CENPW: variants seen among roughly 807,000 people sequenced by gnomAD.
CENPW encodes the protein centromere protein W.
A neutral mutation model predicts 11.1 loss-of-function variants in CENPW; 3 were observed. That is an observed-to-expected ratio of 0.27 (90% confidence interval 0.12 to 0.70). CENPW has a LOEUF of 0.70. Ranked by LOEUF, CENPW falls within the 30% of genes least tolerant of loss-of-function variation. The pLI, the probability that CENPW is intolerant of heterozygous loss-of-function variation, is 0.77. For synonymous variants in CENPW, 38 were observed against 42.0 expected (o/e 0.91, Z 0.37); for missense variants, 100 against 105.6 (o/e 0.95, Z 0.23).
At chr6:126,424,019 A>T in the CENPW span, among the ~76,000 whole-genome samples, 2 of 152,038 alleles carry the variant, frequency 1.3e-5, no homozygotes, top group Non-Finnish European at 2.9e-5. Context: ...AGAAAATTAC[A>T]TTGAGACATT....
the CENPW span, among the ~76,000 whole-genome samples, chr6:126,354,029 G>A: frequency 4.0e-5 from 6 of 150,902 alleles, no homozygotes; most frequent in Non-Finnish European, 5.9e-5. Flanking sequence ...TTATTTTCAC[G>A]TAATTATCAA....
the CENPW span, among the ~76,000 whole-genome samples, chr6:126,472,730 T>C: frequency 6.6e-6 from 1 of 152,212 alleles, no homozygotes; most frequent in African/African-American, 2.4e-5. Context: ...GACAGGCTGT[T>C]TGCCAAATAT....
intron 1 of CENPW, among the ~76,000 whole-genome samples, chr6:126,340,757 TA>T (rs2128289246): frequency 6.6e-6 from 1 of 152,308 alleles, no homozygotes; most frequent in Admixed American, 6.5e-5. Flanking sequence ...AATCACCCTT[TA>T]AAAAATAGAT....
intron 1 of CENPW, among the ~76,000 whole-genome samples, chr6:126,341,687 T>C (rs1780314477): frequency 6.6e-6 from 1 of 152,192 alleles, no homozygotes; most frequent in South Asian, 2.1e-4. Context: ...GGAATTCAAA[T>C]GAAATTCACT....
chr6:126,365,980 G>A, the CENPW span, among the ~76,000 whole-genome samples: 2 of 152,166 alleles, frequency 1.3e-5, no homozygotes, highest in Non-Finnish European at 2.9e-5. Context: ...AACTTTGAGA[G>A]TTGAGGCTGC....
the CENPW span, among the ~76,000 whole-genome samples, chr6:126,412,715 C>T: frequency 6.6e-6 from 1 of 152,196 alleles, no homozygotes; most frequent in African/African-American, 2.4e-5. Context: ...ATGTCCCACA[C>T]ATTTCCCACA....
At chr6:126,350,377 G>A (rs79065371), downstream of CENPW, among the ~76,000 whole-genome samples, 1 of 152,140 alleles carries the variant, frequency 6.6e-6, no homozygotes. Flanking sequence ...CCTCTTCTGA[G>A]TTGCAGACTG....
the CENPW span, among the ~76,000 whole-genome samples, chr6:126,356,071 A>G: frequency 6.6e-6 from 1 of 152,174 alleles, no homozygotes; most frequent in African/African-American, 2.4e-5. Context: ...AACTACACTT[A>G]GGCAAAGTAG....
the CENPW span, among the ~76,000 whole-genome samples, chr6:126,443,704 G>A: frequency 6.6e-6 from 1 of 151,018 alleles, no homozygotes; most frequent in Non-Finnish European, 1.5e-5. Context: ...GCCATTATAT[G>A]CTATAATGCT....
the CENPW span, among the ~76,000 whole-genome samples, chr6:126,415,857 C>T: frequency 1.3e-5 from 2 of 152,300 alleles, no homozygotes; most frequent in African/African-American, 4.8e-5. Context: ...ACTGCCCAGT[C>T]CCAGTTATGT....
At chr6:126,354,852 G>C in the CENPW span, among the ~76,000 whole-genome samples, 1 of 151,998 alleles carries the variant, frequency 6.6e-6, no homozygotes, top group African/African-American at 2.4e-5. Flanking sequence ...ACTCCAACTA[G>C]GGTAACCAAC....
chr6:126,447,299 T>TCCAA, the CENPW span, among the ~76,000 whole-genome samples: 1 of 151,286 alleles, frequency 6.6e-6, no homozygotes, highest in South Asian at 2.1e-4. Context: ...AGGTAAAGAA[T>TCCAA]CCAAGCACAA....
the CENPW span, among the ~76,000 whole-genome samples, chr6:126,366,530 G>C: frequency 6.6e-6 from 1 of 152,042 alleles, no homozygotes; most frequent in Non-Finnish European, 1.5e-5. Context: ...ACTTGTATAC[G>C]TACCTTTGAG....
the CENPW span, among the ~76,000 whole-genome samples, chr6:126,413,704 C>T: frequency 1.3e-5 from 2 of 151,512 alleles, no homozygotes; most frequent in African/African-American, 4.8e-5. Context: ...AAAATCTGAT[C>T]ACCATAAAAA....
chr6:126,351,149 A>AGT (rs71024750), downstream of CENPW, among the ~76,000 whole-genome samples: 5,598 of 146,854 alleles, frequency 0.038, 99 homozygotes, highest in African/African-American at 0.052. Flanking sequence ...AGAGAGAGTG[A>AGT]GTGTGTGTGT....
the CENPW span, among the ~76,000 whole-genome samples, chr6:126,384,923 C>T: frequency 1.3e-5 from 2 of 151,798 alleles, no homozygotes; most frequent in African/African-American, 2.4e-5. Context: ...CAAGAAAAAA[C>T]AACCCCATTA....
chr6:126,451,713 C>T, the CENPW span, among the ~76,000 whole-genome samples: 16 of 151,080 alleles, frequency 1.1e-4, no homozygotes, highest in Middle Eastern at 3.4e-3. Context: ...CTCTTCTCCC[C>T]TTTCCTCTTG....
the CENPW span, among the ~76,000 whole-genome samples, chr6:126,378,748 C>T: frequency 6.6e-6 from 1 of 152,046 alleles, no homozygotes; most frequent in Non-Finnish European, 1.5e-5. Context: ...TGCAGAATGT[C>T]AGACATGTTT....
At chr6:126,341,558 T>C (rs953178491) in intron 1 of CENPW, among the ~76,000 whole-genome samples, 63 of 152,152 alleles carry the variant, frequency 4.1e-4, no homozygotes, top group African/African-American at 1.5e-3. Context: ...ATTACTTCTA[T>C]CTTCTGCCCT....
Sources: gnomAD v4.1 joint callset for allele counts (sites outside exome capture counted in the v4.1 genomes callset) on GRCh38, gnomAD v4.1.1 for gene constraint, MANE v1.5 for transcripts, NCBI Gene and HGNC (gene_info 2026-07-23, HGNC 2026-07-21) for gene names.